MTHFD1L: variants seen among roughly 807,000 people sequenced by gnomAD.
The protein encoded by MTHFD1L is monofunctional C1-tetrahydrofolate synthase, mitochondrial.
In MTHFD1L, 81 loss-of-function variants were observed where a neutral mutation model predicts 119.5. That is an observed-to-expected ratio of 0.68 (90% confidence interval 0.57 to 0.82). MTHFD1L has a LOEUF of 0.82. Among genes scored for constraint, MTHFD1L ranks in the 40% least tolerant of loss-of-function variants. The pLI is 0.00. For synonymous variants in MTHFD1L, 430 were observed against 475.2 expected (o/e 0.90, Z 1.24); for missense variants, 1,125 against 1,253.4 (o/e 0.90, Z 1.55).
At chr6:151,020,461 C>G (rs932764276) in intron 24 of MTHFD1L, among the ~76,000 whole-genome samples, 8 of 152,126 alleles carry the variant, frequency 5.3e-5, no homozygotes, top group African/African-American at 1.9e-4. Flanking sequence ...AAACTGACTT[C>G]AGCAGCAACT....
intron 20 of MTHFD1L, among the ~76,000 whole-genome samples, chr6:151,004,013 A>T (rs1422077194): frequency 1.4e-5 from 2 of 145,512 alleles, no homozygotes; most frequent in African/African-American, 2.7e-5. Flanking sequence ...TTTTTTAAAA[A>T]AAAAAAAAAA....
At chr6:150,934,030 C>T (rs536643095) in intron 11 of MTHFD1L, among the ~76,000 whole-genome samples, 98 of 152,346 alleles carry the variant, frequency 6.4e-4, no homozygotes, top group Admixed American at 6.2e-3. Context: ...TTTTCTCACT[C>T]GGTGCACTGT....
chr6:150,963,798 G>A (rs147579774), intron 18 of MTHFD1L, among the ~76,000 whole-genome samples: 141 of 152,270 alleles, frequency 9.3e-4, no homozygotes, highest in African/African-American at 3.2e-3. Flanking sequence ...TTATGTTATA[G>A]CCTTCCAATA....
chr6:150,947,245 C>A (rs1794124351), intron 15 of MTHFD1L, among the ~76,000 whole-genome samples: 1 of 150,800 alleles, frequency 6.6e-6, no homozygotes, highest in Non-Finnish European at 1.5e-5. Context: ...CAGGTGCCCA[C>A]CACCATGCCA....
At chr6:151,056,604 A>T (rs184366819) in intron 26 of MTHFD1L, among the ~76,000 whole-genome samples, 2 of 152,302 alleles carry the variant, frequency 1.3e-5, no homozygotes, top group East Asian at 3.9e-4. Flanking sequence ...GTGTTCTATA[A>T]CGTCGTGTTC....
rs200431598 is a variant in MTHFD1L at position 150,883,804 on chromosome 6, G to C, written c.542+918G>C. On this transcript the variant is annotated intron_variant, in intron 5 of 27. Coordinates refer to ENST00000367321, the MANE Select transcript of MTHFD1L (RefSeq NM_015440.5). ...ATTTTCCTCCATGGAAATATAGGAA[G>C]TGTTTTGTACTGTGGCCAAAAAGAA... is the stretch of plus-strand genomic sequence containing the variant. Among the ~76,000 whole-genome samples the C allele has an allele frequency of 1.1e-4, 16 of 152,294 alleles. No individual in the cohort carries two copies. In the East Asian group the frequency reaches 3.1e-3, roughly 29 times the overall value.
intron 19 of MTHFD1L, among the ~76,000 whole-genome samples, 163 bp downstream of exon 19, chr6:150,965,200 A>C: frequency 6.6e-6 from 1 of 152,184 alleles, no homozygotes; most frequent in Non-Finnish European, 1.5e-5. Flanking sequence ...AACCTGTATT[A>C]GTCCATTTTG....
intron 16 of MTHFD1L, among the ~76,000 whole-genome samples, chr6:150,949,720 C>T (rs145370643): frequency 8.5e-5 from 13 of 152,204 alleles, no homozygotes; most frequent in African/African-American, 2.9e-4. Flanking sequence ...AGTCCCCTTC[C>T]TTCTCCCACA....
At chr6:151,029,379 C>A (rs1278022274) in intron 24 of MTHFD1L, among the ~76,000 whole-genome samples, 1 of 151,800 alleles carries the variant, frequency 6.6e-6, no homozygotes, top group Non-Finnish European at 1.5e-5. Flanking sequence ...CAAGATCGCG[C>A]CACTACACTA....
chr6:150,903,203 ATTTTT>A lies in MTHFD1L; in HGVS notation c.781-2419_781-2415del, dbSNP rs774695918. On this transcript the variant is annotated intron_variant, in intron 7 of 27. Coordinates refer to ENST00000367321, the MANE Select transcript of MTHFD1L (RefSeq NM_015440.5). ...GATTGCTGGTGATATTGGCTGCAAA[ATTTTT>A]TTTTTTTTTTTTTTTTTTTTTTTTT... is the stretch of plus-strand genomic sequence containing the variant. Among the ~76,000 whole-genome samples, 189 of 85,468 alleles carry A rather than the reference ATTTTT, an allele frequency of 2.2e-3. 13 individuals are homozygous for A. In the Middle Eastern group the frequency reaches 0.025, roughly 11 times the overall value. 56.1% of individuals were successfully genotyped at this position (85,468 alleles called of 152,430 possible). A position where few individuals can be genotyped will look rare whatever the true frequency, so the allele number is the denominator to read the frequency against.
rs944613796 is a variant in MTHFD1L at position 151,101,573 on chromosome 6, A to C, written c.*79A>C. The C allele has an allele frequency of 6.6e-6, 1 of 152,578 alleles. No individual in the cohort carries two copies. Among genetic ancestry groups the C allele is most frequent in the Non-Finnish European group, 1.5e-5 (1 of 68,034 alleles). 9.5% of individuals were successfully genotyped at this position (152,578 alleles called of 1,614,324 possible). ...TGCCTTTTTGCTGCAGTTGGAGAAG[A>C]AACTGAATTTGAAAAATGTCTGTTA... On this transcript the variant is annotated 3_prime_UTR_variant, in exon 28 of 28. Coordinates refer to ENST00000367321, the MANE Select transcript of MTHFD1L (RefSeq NM_015440.5).
chr6:151,053,694 T>C (rs1275064199), intron 26 of MTHFD1L, among the ~76,000 whole-genome samples: 3 of 151,976 alleles, frequency 2.0e-5, no homozygotes, highest in Non-Finnish European at 4.4e-5. Context: ...ACCCCCTCTC[T>C]ACTAAAAATA....
Position 150,965,022 on chromosome 6 carries a change from G to A in MTHFD1L, c.1998G>A (p.Leu666=). The A allele has an allele frequency of 6.2e-7, 1 of 1,613,984 alleles. No individual in the cohort carries two copies. Among genetic ancestry groups the A allele is most frequent in the Non-Finnish European group, 8.5e-7 (1 of 1,179,888 alleles). The change falls in exon 19 of 28, where the codon CTG becomes CTA. Residue 666 remains leucine (L), a synonymous_variant. Coordinates refer to ENST00000367321, the MANE Select transcript of MTHFD1L (RefSeq NM_015440.5). ...VLMKDAIKPN[L]MQTLEGTPVF... The stretch of plus-strand genomic sequence containing the variant: ...TGAAAGATGCAATAAAACCAAACCT[G>A]ATGCAGACCCTGGAAGTAAGTGGTT...
At chr6:151,070,238 A>G (rs528743228) in intron 26 of MTHFD1L, among the ~76,000 whole-genome samples, 7 of 152,356 alleles carry the variant, frequency 4.6e-5, no homozygotes, top group East Asian at 3.9e-4. Context: ...ATAAAGTACT[A>G]TAATTTATGT....
At chr6:151,069,785 G>C (rs566229200) in intron 26 of MTHFD1L, among the ~76,000 whole-genome samples, 1 of 152,214 alleles carries the variant, frequency 6.6e-6, no homozygotes, top group African/African-American at 2.4e-5. Context: ...TGTGACAGAG[G>C]GCCAGGTCCA....
At chr6:151,013,939 G>A (rs918874575) in intron 22 of MTHFD1L, 119 bp downstream of exon 22, 6 of 837,198 alleles carry the variant, frequency 7.2e-6, no homozygotes, top group Admixed American at 2.6e-5. Flanking sequence ...CTGTCCGGGC[G>A]CAGTGACTCA....
At chr6:151,074,715 ATACT>A (rs1371486863) in intron 26 of MTHFD1L, among the ~76,000 whole-genome samples, 2 of 152,196 alleles carry the variant, frequency 1.3e-5, no homozygotes, top group Admixed American at 1.3e-4. Flanking sequence ...GCATGTATAA[ATACT>A]TACCATTCTG....
intron 13 of MTHFD1L, among the ~76,000 whole-genome samples, chr6:150,942,436 A>G (rs1793283165): frequency 6.6e-6 from 1 of 152,246 alleles, no homozygotes; most frequent in Non-Finnish European, 1.5e-5. Flanking sequence ...GAAGAAGAGT[A>G]GAAATACATA....
intron 24 of MTHFD1L, among the ~76,000 whole-genome samples, chr6:151,028,517 C>T (rs1784888849): frequency 6.6e-6 from 1 of 152,064 alleles, no homozygotes; most frequent in African/African-American, 2.4e-5. Flanking sequence ...CACGGATGAA[C>T]CTTGAGAACA....
Sources: allele counts gnomAD v4.1 joint callset (sites outside exome capture counted in the v4.1 genomes callset), GRCh38; gene constraint gnomAD v4.1.1; transcripts MANE v1.5; gene names NCBI Gene and HGNC (gene_info 2026-07-23, HGNC 2026-07-21).